Variants in INPP5J observed in about 807,000 individuals in gnomAD.
The protein encoded by INPP5J is phosphatidylinositol 4,5-bisphosphate 5-phosphatase A.
INPP5J carries 75 observed loss-of-function variants against 86.6 expected under a neutral mutation model. That is an observed-to-expected ratio of 0.87 (90% CI 0.72 to 1.05). INPP5J has a LOEUF of 1.05. Ranked by LOEUF, INPP5J falls within the 50% of genes least tolerant of loss-of-function variation. The pLI is 0.00. For synonymous variants in INPP5J, 540 were observed against 550.0 expected (o/e 0.98, Z 0.25); for missense variants, 1,229 against 1,341.2 (o/e 0.92, Z 1.31).
At position 31,128,537 on chromosome 22, in the gene INPP5J, T is replaced by G. The variant is rs1602736404; in HGVS notation, c.2076T>G (p.Gly692=). ...ILWKVKAPGG[G]PSPSGRKSHR... ...GGAAGGTCAAGGCTCCAGGTGGGGGTCCCAGCCCCTCAGGACGGAAGAGCC... is the reference window on the plus strand; with the variant it reads ...GGAAGGTCAAGGCTCCAGGTGGGGGGCCCAGCCCCTCAGGACGGAAGAGCC... The change falls in exon 9 of 13, where the codon GGT becomes GGG. Residue 692 remains glycine (G), a synonymous_variant. Transcript: ENST00000331075. 4 of 1,612,738 alleles carry G rather than the reference T, an allele frequency of 2.5e-6. No individual in the cohort carries two copies. The highest frequency in any genetic ancestry group is 2.5e-6 in the Non-Finnish European group (3 of 1,179,760).
At chr22:31,126,057 G>T in intron 2 of INPP5J, 47 bp downstream of exon 2, 1 of 1,477,446 alleles carries the variant, frequency 6.8e-7, no homozygotes, top group African/African-American at 1.4e-5. Flanking sequence ...TTAGCTCTGA[G>T]GTTAGCCATT....
chr22:31,123,080 C>T lies in INPP5J; in HGVS notation c.66C>T (p.Pro22=), dbSNP rs773749165. 84 of 1,485,274 alleles carry T rather than the reference C, an allele frequency of 5.7e-5. No homozygotes were observed. Among genetic ancestry groups the T allele is most frequent in the Non-Finnish European group, 7.3e-5 (82 of 1,121,004 alleles). 92.0% of individuals were successfully genotyped at this position (1,485,274 alleles called of 1,614,324 possible). The change falls in exon 1 of 13, where the codon CCC becomes CCT. Residue 22 remains proline, a synonymous_variant. Transcript: ENST00000331075. ...CCCGGGCTGGCCTGGGTTCCCTGCC[C>T]ATGCCCCAGGGTGTTGCCCAAACTG... ...PGTRAGLGSL[P]MPQGVAQTGA...
Position 31,125,782 on chromosome 22 carries a change from C to G in INPP5J, c.1043C>G (p.Pro348Arg), listed in dbSNP as rs774205006. ...CCTCTGCCCAAGCCACCCCGATCAC[C>G]CAGCCGTTCCCCAAGCCACTCCCCG... ...PPPLPKPPRSPSRSPSHSPNR... is the reference protein window; with the variant it reads ...PPPLPKPPRSRSRSPSHSPNR... Residue 348 changes from proline to arginine, a missense_variant, in exon 2 of 13, where the codon CCC becomes CGC. By Grantham distance (103) the Pro-to-Arg change is moderately radical. Coordinates refer to ENST00000331075, the MANE Select transcript of INPP5J (RefSeq NM_001284285.2). The G allele has an allele frequency of 1.3e-6, 2 of 1,562,046 alleles. No individual in the cohort carries two copies. The highest frequency in any genetic ancestry group is 1.4e-5 in the African/African-American group (1 of 73,380).
rs529391837 is a variant in INPP5J, at chr22:31,123,588, T to A, written c.105+469T>A. On this transcript the variant is annotated intron_variant, in intron 1 of 12. Coordinates refer to ENST00000331075, the MANE Select transcript of INPP5J (RefSeq NM_001284285.2). ...TAAAATGCCACCTCAAAGAACTGAG[T>A]TTGAGAAGGGAGGTGGAGATGGAGT... Among the ~76,000 whole-genome samples, 7 of 151,722 alleles carry A rather than the reference T, an allele frequency of 4.6e-5. No individual in the cohort carries two copies. In the South Asian group the frequency reaches 1.5e-3, roughly 32 times the overall value.
intron 9 of INPP5J, 128 bp from the exon 10 acceptor site, chr22:31,132,970 C>T: frequency 1.6e-6 from 2 of 1,252,396 alleles, no homozygotes; most frequent in Non-Finnish European, 2.2e-6. Context: ...TGTTCTGCCT[C>T]AGTTTCCCAG....
chr22:31,125,397 C>T lies in INPP5J; in HGVS notation c.658C>T (p.Pro220Ser). ...TCCAACTCAGGAACAGGCCCTGGCT[C>T]CAGCATCCACGGCATCAGGCGCAGC... is the stretch of plus-strand genomic sequence containing the variant. ...LSPTQEQALA[P>S]ASTASGAASV... is the part of the protein sequence containing the mutation. The change falls in exon 2 of 13, where the codon CCA (proline) becomes TCA (serine). Residue 220 changes from proline to serine, a missense_variant. By Grantham distance (74) the Pro-to-Ser change is moderately conservative. Transcript: ENST00000331075. The T allele has an allele frequency of 6.4e-7, 1 of 1,550,628 alleles. No homozygotes were observed. Among genetic ancestry groups the T allele is most frequent in the Non-Finnish European group, 8.7e-7 (1 of 1,146,976 alleles).
At chr22:31,133,508 A>G in intron 11 of INPP5J, 25 bp downstream of exon 11, 1 of 1,609,362 alleles carries the variant, frequency 6.2e-7, no homozygotes, top group African/African-American at 1.3e-5. Flanking sequence ...TGGGAGAGTC[A>G]GGGCAAGTCC....
intron 9 of INPP5J, 45 bp from the exon 10 acceptor site, chr22:31,133,053 G>T: frequency 6.4e-7 from 1 of 1,550,894 alleles, no homozygotes. Flanking sequence ...GGATACTAGA[G>T]GGTCTCCCCT....
In INPP5J at chr22:31,133,123, T is replaced by C; in HGVS notation, c.2219T>C (p.Leu740Pro). Residue 740 changes from leucine (L) to proline (P), a missense_variant, in exon 10 of 13, where the codon CTG (leucine) becomes CCG (proline). Physicochemically the swap from Leu to Pro is moderately conservative, Grantham distance 98. Transcript: ENST00000331075. ...LQFAFRDDMPLVRLEVADEWV... is the reference protein window; with the variant it reads ...LQFAFRDDMPPVRLEVADEWV... ...TTTGCCTTCAGGGACGACATGCCAC[T>C]GGTGCGGCTGGAGGTGGCAGATGAG... The C allele has an allele frequency of 6.4e-7, 1 of 1,567,402 alleles. No homozygotes were observed. Among genetic ancestry groups the C allele is most frequent in the Non-Finnish European group, 8.6e-7 (1 of 1,156,210 alleles).
chr22:31,134,291 C>G lies in INPP5J; in HGVS notation c.2893C>G (p.Arg965Gly), dbSNP rs377104936. The change falls in exon 13 of 13, where the codon CGC becomes GGC. Residue 965 changes from arginine to glycine, a missense_variant. By Grantham distance (125) the Arg-to-Gly change is moderately radical. Coordinates refer to ENST00000331075, the MANE Select transcript of INPP5J (RefSeq NM_001284285.2). ...AAGCCTGGGCCTGTTGCCCGCCTTGCGCCTAGAGACTGTAGACCCTGGTGG... is the reference window on the plus strand; with the variant it reads ...AAGCCTGGGCCTGTTGCCCGCCTTGGGCCTAGAGACTGTAGACCCTGGTGG... ...PRSLGLLPAL[R>G]LETVDPGGGG... 1.9e-6 allele frequency: 3 copies of G among 1,554,730 alleles called. No homozygotes were observed. The Admixed American group carries it at 5.8e-5, about 30-fold the overall frequency.
At position 31,128,570 on chromosome 22, in the gene INPP5J, C is replaced by A; in HGVS notation, c.2109C>A (p.Leu703=). Residue 703 remains leucine, a synonymous_variant, in exon 9 of 13, where the codon CTC becomes CTA. Coordinates refer to ENST00000331075, the MANE Select transcript of INPP5J (RefSeq NM_001284285.2). ...PSPSGRKSHR[L]QVTQHSYRSH... The stretch of plus-strand genomic sequence containing the variant: ...CCTCAGGACGGAAGAGCCACCGACT[C>A]CAGGTGACGCAGCACAGCTACCGCA... The A allele has an allele frequency of 6.2e-7, 1 of 1,613,374 alleles. No individual in the cohort carries two copies. Among genetic ancestry groups the A allele is most frequent in the South Asian group, 1.1e-5 (1 of 91,070 alleles).
chr22:31,134,017 C>T lies in INPP5J; in HGVS notation c.2619C>T (p.Ser873=). 1 of 1,609,538 alleles carries T rather than the reference C, an allele frequency of 6.2e-7. No individual in the cohort carries two copies. The highest frequency in any genetic ancestry group is 2.2e-5 in the East Asian group (1 of 44,648). The change falls in exon 13 of 13, where the codon TCC becomes TCT. Residue 873 remains serine (S), a synonymous_variant. Transcript: ENST00000331075. The stretch of plus-strand genomic sequence containing the variant: ...CACTGGAGCTCCTTGCACCCAAGTC[C>T]CGCAGCCCCAGTCCTGGCAAGTCCA... ...DSTLELLAPK[S]RSPSPGKSKR...
chr22:31,127,366 G>A lies in INPP5J; in HGVS notation c.1621G>A (p.Gly541Ser), dbSNP rs540212879. 2 of 1,610,718 alleles carry A rather than the reference G, an allele frequency of 1.2e-6. No homozygotes were observed. The highest frequency in any genetic ancestry group is 1.1e-5 in the South Asian group (1 of 90,406). ...TGLGGYWGNK[G>S]GVSVRLAAFG... ...GACCCTGCCTCCCTAGGGTAACAAG[G>A]GTGGCGTGAGCGTGCGCCTGGCGGC... is the stretch of plus-strand genomic sequence containing the variant. Residue 541 changes from glycine (G) to serine (S), a missense_variant, in exon 6 of 13, where the codon GGT becomes AGT. Physicochemically the swap from Gly to Ser is moderately conservative, Grantham distance 56 (BLOSUM62 0). Transcript: ENST00000331075.
In INPP5J at chr22:31,133,595, C is replaced by T. The variant is rs770806540; in HGVS notation, c.2410-15C>T. ...CCTGACCCCCAACTTAGGCTTATACCCCTGGGCCTACCAGGTAACATTCAG... is the reference window on the plus strand; with the variant it reads ...CCTGACCCCCAACTTAGGCTTATACTCCTGGGCCTACCAGGTAACATTCAG... On this transcript the variant is annotated splice_polypyrimidine_tract_variant and intron_variant, in intron 11 of 12. Transcript: ENST00000331075. 1 of 1,604,426 alleles carries T rather than the reference C, an allele frequency of 6.2e-7. No individual in the cohort carries two copies. The highest frequency in any genetic ancestry group is 2.2e-5 in the East Asian group (1 of 44,736).
At chr22:31,123,954 C>G (rs1921108931) in intron 1 of INPP5J, 1 of 152,134 alleles carries the variant, frequency 6.6e-6, no homozygotes, top group Non-Finnish European at 1.5e-5. Context: ...AGATGTGACA[C>G]CAGGATCAAC....
Position 31,126,616 on chromosome 22 carries a change from G to A in INPP5J, c.1389G>A (p.Leu463=), listed in dbSNP as rs1416022719. The change falls in exon 4 of 13, where the codon TTG becomes TTA. Residue 463 remains leucine, a synonymous_variant. Coordinates refer to ENST00000331075, the MANE Select transcript of INPP5J (RefSeq NM_001284285.2). ...CACCCTGCCCCCACCCCTCCAGGTTGCAGGAAGTGAACTCCATGCTCAACA... is the reference window on the plus strand; with the variant it reads ...CACCCTGCCCCCACCCCTCCAGGTTACAGGAAGTGAACTCCATGCTCAACA... ...SDGADMIAIG[L]QEVNSMLNKR... 1 of 1,613,490 alleles carries A rather than the reference G, an allele frequency of 6.2e-7. No individual in the cohort carries two copies. Among genetic ancestry groups the A allele is most frequent in the African/African-American group, 1.3e-5 (1 of 74,920 alleles).
At chr22:31,122,738 TAGAC>T (rs991549203), upstream of INPP5J, 31 of 408,856 alleles carry the variant, frequency 7.6e-5, no homozygotes, top group African/African-American at 6.2e-5. Flanking sequence ...AAGGTGAAGG[TAGAC>T]AGACAGCCTC....
At chr22:31,132,199 C>T (rs949532790) in intron 9 of INPP5J, among the ~76,000 whole-genome samples, 16 of 152,166 alleles carry the variant, frequency 1.1e-4, no homozygotes, top group African/African-American at 2.2e-4. Context: ...GGTAACATAG[C>T]GAGTTAGCAG....
chr22:31,123,253 T>A, intron 1 of INPP5J, 134 bp downstream of exon 1: 1 of 569,052 alleles, frequency 1.8e-6, no homozygotes, highest in Non-Finnish European at 2.9e-6. Context: ...GAGCAGGGGC[T>A]AGGTGAAGAG....
Sources: gnomAD v4.1 joint callset for allele counts (sites outside exome capture counted in the v4.1 genomes callset) on GRCh38, gnomAD v4.1.1 for gene constraint, MANE v1.5 for transcripts, NCBI Gene and HGNC (gene_info 2026-07-23, HGNC 2026-07-21) for gene names.